FARS2: variants seen among roughly 807,000 people sequenced by gnomAD.
FARS2 encodes the protein phenylalanine--tRNA ligase, mitochondrial.
A neutral mutation model predicts 46.4 loss-of-function variants in FARS2; 40 were observed. The observed-to-expected ratio is 0.86, with a 90% confidence interval of 0.67 to 1.12. FARS2 has a LOEUF of 1.12. Ranked by LOEUF, FARS2 falls within the 50% of genes most tolerant of loss-of-function variation. The probability of loss-of-function intolerance (pLI) is 0.00; values close to 1 mark genes in which losing one functional copy is unlikely to be tolerated. For missense variants in FARS2, 513 were observed against 567.9 expected, an observed-to-expected ratio of 0.90 and a Z score of 0.98; for synonymous variants, 234 against 214.9, an observed-to-expected ratio of 1.09 and a Z score of -0.78.
chr6:5,721,706 C>A (rs1196183172), intron 6 of FARS2, among the ~76,000 whole-genome samples: 1 of 152,194 alleles, frequency 6.6e-6, no homozygotes, highest in Non-Finnish European at 1.5e-5. Flanking sequence ...ACACATTTTC[C>A]AACGTTGACA....
rs796804044 is a variant in FARS2, at chr6:5,422,378, CT to C, written c.773-8653del. 3.5e-4 allele frequency among the ~76,000 whole-genome samples: 52 copies of C among 149,490 alleles called. 1 individual carries two copies. Among genetic ancestry groups the C allele is most frequent in the Non-Finnish European group, 6.6e-4 (44 of 67,054 alleles). On this transcript the variant is annotated intron_variant, in intron 3 of 6. Coordinates refer to ENST00000274680, the MANE Select transcript of FARS2 (RefSeq NM_006567.5). ...TGTTTGGTTCTCTCTCTCTCTCTCT[CT>C]TTTTTTTTTAAATCATAAATGTCAC... is the stretch of plus-strand genomic sequence containing the variant.
chr6:5,584,141 A>ACACACT (rs1561731442), intron 5 of FARS2, among the ~76,000 whole-genome samples: 2 of 146,474 alleles, frequency 1.4e-5, no homozygotes, highest in Admixed American at 6.8e-5. Context: ...ACACACACAC[A>ACACACT]CTCCTTGAGT....
chr6:5,526,985 AG>A (rs1561685766), intron 4 of FARS2, among the ~76,000 whole-genome samples: 1 of 152,230 alleles, frequency 6.6e-6, no homozygotes, highest in Non-Finnish European at 1.5e-5. Context: ...AATTTCATCA[AG>A]GGGTGAAAGT....
At position 5,357,323 on chromosome 6, in the gene FARS2, T is replaced by C. The variant is rs1757996893; in HGVS notation, c.-21-11227T>C. ...AAATGTTCATAATGGGTTTACTCCATTTGATTTGGAAAAACATTCCTTTTA... is the reference window on the plus strand; with the variant it reads ...AAATGTTCATAATGGGTTTACTCCACTTGATTTGGAAAAACATTCCTTTTA... On this transcript the variant is annotated intron_variant, in intron 1 of 6. Transcript: ENST00000274680. Among the ~76,000 whole-genome samples the C allele has an allele frequency of 2.6e-5, 4 of 152,354 alleles. No individual in the cohort carries two copies. The South Asian group carries it at 6.2e-4, about 24-fold the overall frequency.
chr6:5,632,019 GA>G (rs1458810413), intron 6 of FARS2, among the ~76,000 whole-genome samples: 2 of 151,956 alleles, frequency 1.3e-5, no homozygotes, highest in Non-Finnish European at 2.9e-5. Flanking sequence ...CGGTAAATAT[GA>G]AAATTAAAGT....
At chr6:5,750,351 G>A (rs1301451157) in intron 6 of FARS2, among the ~76,000 whole-genome samples, 1 of 152,192 alleles carries the variant, frequency 6.6e-6, no homozygotes, top group Non-Finnish European at 1.5e-5. Flanking sequence ...CTCGGACGCA[G>A]ACCCAGCCCT....
chr6:5,347,077 C>G (rs1328179974), intron 1 of FARS2, among the ~76,000 whole-genome samples: 1 of 152,040 alleles, frequency 6.6e-6, no homozygotes, highest in Non-Finnish European at 1.5e-5. Flanking sequence ...CCACACCTGG[C>G]TAATTTTTGT....
intron 6 of FARS2, among the ~76,000 whole-genome samples, chr6:5,708,190 T>C (rs1401202531): frequency 6.6e-6 from 1 of 152,084 alleles, no homozygotes; most frequent in African/African-American, 2.4e-5. Flanking sequence ...TAATGATCAG[T>C]TATTGTAGAA....
At chr6:5,769,016 A>G (rs1762888585) in intron 6 of FARS2, among the ~76,000 whole-genome samples, 1 of 151,782 alleles carries the variant, frequency 6.6e-6, no homozygotes, top group Non-Finnish European at 1.5e-5. Flanking sequence ...TAATTTTTTC[A>G]CCTGTGCTTT....
rs76464574 is a variant in FARS2 at position 5,468,725 on chromosome 6, A to G, written c.904+37553A>G. On this transcript the variant is annotated intron_variant, in intron 4 of 6. Transcript: ENST00000274680. ...TTTGTTTTCTAACAATTAGCCGGTT[A>G]TTCATACTTTCACAAGAATGCGATG... Among the ~76,000 whole-genome samples the G allele has an allele frequency of 8.5e-3, 1,298 of 152,296 alleles. 12 individuals are homozygous for G. The highest frequency in any genetic ancestry group is 0.03 in the African/African-American group (1,239 of 41,560).
At chr6:5,313,106 C>T (rs958546765) in intron 1 of FARS2, among the ~76,000 whole-genome samples, 29 of 152,116 alleles carry the variant, frequency 1.9e-4, no homozygotes, top group Non-Finnish European at 5.9e-5. Flanking sequence ...AACCAACACC[C>T]CCTAACACAG....
chr6:5,725,477 C>T (rs1001681237), intron 6 of FARS2, among the ~76,000 whole-genome samples: 14 of 152,256 alleles, frequency 9.2e-5, no homozygotes, highest in African/African-American at 3.1e-4. Flanking sequence ...GCTGCCCGGG[C>T]TCCAGTCCTG....
At chr6:5,609,342 C>T in intron 5 of FARS2, 2 of 1,199,526 alleles carry the variant, frequency 1.7e-6, no homozygotes, top group Admixed American at 3.4e-5. Context: ...AGAGCTTCTG[C>T]CTCCAAAGTT....
At chr6:5,323,102 A>G (rs1770102218) in intron 1 of FARS2, among the ~76,000 whole-genome samples, 1 of 152,190 alleles carries the variant, frequency 6.6e-6, no homozygotes, top group South Asian at 2.1e-4. Context: ...TTTATTAAGC[A>G]TCCATACATT....
chr6:5,466,451 C>T, intron 4 of FARS2: 1 of 879,028 alleles, frequency 1.1e-6, no homozygotes, highest in Non-Finnish European at 1.4e-6. Context: ...TTAGTCAGCT[C>T]TATATTCCCA....
intron 4 of FARS2, among the ~76,000 whole-genome samples, chr6:5,455,520 T>G (rs188797290): frequency 1.3e-5 from 2 of 152,340 alleles, no homozygotes; most frequent in East Asian, 3.9e-4. Flanking sequence ...TTCATTTCAT[T>G]GACCTGAAAT....
chr6:5,263,344 G>A (rs907526584), intron 1 of FARS2, among the ~76,000 whole-genome samples: 10 of 152,206 alleles, frequency 6.6e-5, no homozygotes, highest in African/African-American at 2.4e-4. Flanking sequence ...AATGGTTGCA[G>A]TTAGGAAAGT....
At chr6:5,336,881 T>A (rs557478990) in intron 1 of FARS2, among the ~76,000 whole-genome samples, 1 of 152,292 alleles carries the variant, frequency 6.6e-6, no homozygotes, top group East Asian at 1.9e-4. Context: ...AATTTTCATG[T>A]GGTCAAATGT....
At chr6:5,364,017 A>G (rs1261872346) in intron 1 of FARS2, among the ~76,000 whole-genome samples, 2 of 152,158 alleles carry the variant, frequency 1.3e-5, no homozygotes, top group African/African-American at 2.4e-5. Flanking sequence ...CTGAACTTCC[A>G]TTGTCCAAAT....
Sources: allele counts gnomAD v4.1 joint callset (sites outside exome capture counted in the v4.1 genomes callset), GRCh38; gene constraint gnomAD v4.1.1; transcripts MANE v1.5; gene names NCBI Gene and HGNC (gene_info 2026-07-23, HGNC 2026-07-21).